Variants in ESR1 observed in about 807,000 individuals in gnomAD.
ESR1 encodes the protein estrogen receptor 1.
Under a neutral mutation model 52.7 loss-of-function variants are expected in ESR1, and 12 were observed. The ratio of observed to expected loss-of-function variants is 0.23; its 90% confidence interval spans 0.15 to 0.37. The LOEUF is 0.37. ESR1 is among the 10% of genes least tolerant of loss of function. The pLI is 1.00. For synonymous variants in ESR1, 305 were observed against 316.8 expected (o/e 0.96, Z 0.39); for missense variants, 584 against 779.7 (o/e 0.75, Z 2.99).
chr6:151,819,561 C>T (rs1403574534), intron 1 of ESR1, among the ~76,000 whole-genome samples: 1 of 152,144 alleles, frequency 6.6e-6, no homozygotes, highest in Non-Finnish European at 1.5e-5. Flanking sequence ...GATCTGGGTT[C>T]TTCTTATGAG....
chr6:151,695,841 A>G (rs1779294495), intron 1 of ESR1, among the ~76,000 whole-genome samples: 1 of 152,192 alleles, frequency 6.6e-6, no homozygotes, highest in Non-Finnish European at 1.5e-5. Flanking sequence ...ACATATAGTA[A>G]TCCGTTTTAG....
intron 3 of ESR1, among the ~76,000 whole-genome samples, chr6:151,899,795 G>T (rs536840400): frequency 1.3e-5 from 2 of 150,272 alleles, no homozygotes; most frequent in African/African-American, 2.5e-5. Flanking sequence ...CATCTCAGAC[G>T]ATGGGCGGCA....
At chr6:151,779,878 C>T (rs61587407) in intron 2 of ESR1, among the ~76,000 whole-genome samples, 4,429 of 119,764 alleles carry the variant, frequency 0.037, 86 homozygotes, top group Non-Finnish European at 0.051. Flanking sequence ...CCACCCTGGG[C>T]GACAGAGCGA....
chr6:151,787,409 C>T (rs1057486466), intron 2 of ESR1, among the ~76,000 whole-genome samples: 4 of 152,082 alleles, frequency 2.6e-5, no homozygotes, highest in African/African-American at 9.7e-5. Flanking sequence ...ATAGGAATAG[C>T]ATTGAATCTA....
chr6:151,782,809 G>A (rs992341178), intron 2 of ESR1, among the ~76,000 whole-genome samples: 4 of 152,166 alleles, frequency 2.6e-5, no homozygotes, highest in Non-Finnish European at 4.4e-5. Context: ...GTAAATCAAA[G>A]GCAACTGAAA....
intron 2 of ESR1, among the ~76,000 whole-genome samples, chr6:151,756,889 C>G (rs765993992): frequency 6.6e-6 from 1 of 152,086 alleles, no homozygotes; most frequent in Non-Finnish European, 1.5e-5. Flanking sequence ...ACTCGGGAGG[C>G]TGAGGCACAA....
At chr6:151,768,954 A>G (rs1222787115) in intron 2 of ESR1, among the ~76,000 whole-genome samples, 2 of 152,240 alleles carry the variant, frequency 1.3e-5, no homozygotes, top group Non-Finnish European at 2.9e-5. Flanking sequence ...AATTCAGAAT[A>G]TAACTTCCTG....
chr6:151,699,632 A>T (rs1042797628), intron 1 of ESR1, among the ~76,000 whole-genome samples: 2 of 152,208 alleles, frequency 1.3e-5, no homozygotes, highest in African/African-American at 4.8e-5. Flanking sequence ...CTTATCACTG[A>T]CAGACTGCAG....
intron 4 of ESR1, among the ~76,000 whole-genome samples, chr6:151,958,359 A>G (rs1405121450): frequency 6.6e-6 from 1 of 152,220 alleles, no homozygotes; most frequent in African/African-American, 2.4e-5. Flanking sequence ...TATCTTCACA[A>G]CATCCCTATG....
chr6:151,932,825 G>T (rs1286233941), intron 3 of ESR1, among the ~76,000 whole-genome samples: 1 of 146,752 alleles, frequency 6.8e-6, no homozygotes, highest in Admixed American at 6.8e-5. Flanking sequence ...CTCTGTTTTG[G>T]TACCAGTACC....
intron 4 of ESR1, among the ~76,000 whole-genome samples, chr6:151,955,690 A>T (rs956235626): frequency 6.6e-6 from 1 of 152,190 alleles, no homozygotes; most frequent in Non-Finnish European, 1.5e-5. Flanking sequence ...CAGTTATTTG[A>T]TGAACTCCTG....
exon 7 of ESR1, chr6:152,127,871 G>A (rs2054057958): frequency 6.6e-6 from 1 of 152,176 alleles, no homozygotes; most frequent in Admixed American, 6.5e-5. Flanking sequence ...TGATTAACTT[G>A]AATACATTTT....
At chr6:151,809,315 C>A (rs775902751) in intron 1 of ESR1, 4 of 322,410 alleles carry the variant, frequency 1.2e-5, no homozygotes, top group Admixed American at 3.8e-5. Context: ...AAGAATTGTT[C>A]TTTCTCCCTC....
chr6:151,690,941 C>T (rs1778891450), intron 1 of ESR1, among the ~76,000 whole-genome samples: 1 of 152,206 alleles, frequency 6.6e-6, no homozygotes, highest in Admixed American at 6.5e-5. Context: ...GTACAGCACA[C>T]ACAGGCTGCC....
chr6:151,951,970 T>C (rs1356572419), intron 4 of ESR1, among the ~76,000 whole-genome samples: 2 of 152,210 alleles, frequency 1.3e-5, no homozygotes, highest in Non-Finnish European at 2.9e-5. Flanking sequence ...TCTAAATTTA[T>C]GCTTCTTCCC....
At chr6:151,919,669 G>A (rs750176188) in intron 3 of ESR1, among the ~76,000 whole-genome samples, 2 of 152,138 alleles carry the variant, frequency 1.3e-5, no homozygotes, top group East Asian at 1.9e-4. Flanking sequence ...AAGTGTCAGC[G>A]GATATTTTAG....
chr6:151,711,711 TTTCTTGTATATTTGTTTAAG>T (rs1268116535), intron 2 of ESR1, among the ~76,000 whole-genome samples: 1 of 152,184 alleles, frequency 6.6e-6, no homozygotes, highest in African/African-American at 2.4e-5. Context: ...GGTTGTTTGT[TTTCTTGTATATTTGTTTAAG>T]TTCTTGTAGA....
intron 2 of ESR1, among the ~76,000 whole-genome samples, chr6:151,750,526 A>G (rs1363188079): frequency 6.6e-6 from 1 of 152,188 alleles, no homozygotes; most frequent in Non-Finnish European, 1.5e-5. Context: ...GGTTTCTTTT[A>G]GTGAAGAACA....
intron 1 of ESR1, among the ~76,000 whole-genome samples, chr6:151,831,821 C>T (rs1416132836): frequency 1.3e-5 from 2 of 152,174 alleles, no homozygotes; most frequent in Non-Finnish European, 2.9e-5. Flanking sequence ...AAAATCTGCT[C>T]ACCTGCTTGG....
Sources: allele counts gnomAD v4.1 joint callset (sites outside exome capture counted in the v4.1 genomes callset), GRCh38; gene constraint gnomAD v4.1.1; transcripts MANE v1.5; gene names NCBI Gene and HGNC (gene_info 2026-07-23, HGNC 2026-07-21).